Variants in SEMA3A observed in about 807,000 individuals in gnomAD.
SEMA3A encodes semaphorin 3A.
In SEMA3A, 29 loss-of-function variants were observed where a neutral mutation model predicts 97.9. The observed-to-expected ratio is 0.30, with a 90% confidence interval of 0.22 to 0.40. The LOEUF is 0.40. SEMA3A is among the 10% of genes least tolerant of loss of function. The pLI is 1.00. For synonymous variants in SEMA3A, 321 were observed against 323.7 expected (o/e 0.99, Z 0.09); for missense variants, 763 against 951.3 (o/e 0.80, Z 2.60).
intron 1 of SEMA3A, among the ~76,000 whole-genome samples, chr7:84,391,600 T>C (rs868477717): frequency 1.3e-5 from 2 of 152,286 alleles, no homozygotes; most frequent in Admixed American, 6.5e-5. Context: ...TGTTATTATC[T>C]AGCAGGGTAA....
At chr7:84,316,194 C>A (rs1462079763) in intron 2 of SEMA3A, among the ~76,000 whole-genome samples, 1 of 138,124 alleles carries the variant, frequency 7.2e-6, no homozygotes, top group South Asian at 2.5e-4. Context: ...CTTCATTTAT[C>A]GTCTTTTTTC....
chr7:84,424,062 C>A (rs1239494519), intron 1 of SEMA3A, among the ~76,000 whole-genome samples: 1 of 151,494 alleles, frequency 6.6e-6, no homozygotes, highest in Non-Finnish European at 1.5e-5. Flanking sequence ...ATTAGTAAAA[C>A]CCCTATGGAA....
chr7:84,459,920 A>G (rs1467049641), intron 1 of SEMA3A, among the ~76,000 whole-genome samples: 1 of 152,106 alleles, frequency 6.6e-6, no homozygotes, highest in African/African-American at 2.4e-5. Flanking sequence ...CTAGCTACTC[A>G]GAAATCTGAG....
At chr7:83,998,585 G>A (rs1790312762) in intron 12 of SEMA3A, among the ~76,000 whole-genome samples, 1 of 152,010 alleles carries the variant, frequency 6.6e-6, no homozygotes, top group South Asian at 2.1e-4. Context: ...TTTTTTTAAA[G>A]TATTTTTCTT....
intron 1 of SEMA3A, among the ~76,000 whole-genome samples, chr7:84,455,702 T>C (rs1228912455): frequency 6.6e-6 from 1 of 151,986 alleles, no homozygotes; most frequent in Non-Finnish European, 1.5e-5. Flanking sequence ...AAGAGTATTC[T>C]TAAGTTTAGA....
intron 2 of SEMA3A, among the ~76,000 whole-genome samples, chr7:84,328,984 T>C (rs1801841867): frequency 6.6e-6 from 1 of 151,998 alleles, no homozygotes; most frequent in South Asian, 2.1e-4. Context: ...TTATTATTGT[T>C]ATACTTTAAG....
intron 4 of SEMA3A, among the ~76,000 whole-genome samples, chr7:84,095,740 A>C (rs1431402824): frequency 6.6e-6 from 1 of 151,492 alleles, no homozygotes; most frequent in Non-Finnish European, 1.5e-5. Flanking sequence ...TCCTGTGTTC[A>C]GGTTGCTTCT....
intron 3 of SEMA3A, among the ~76,000 whole-genome samples, chr7:84,229,062 T>C (rs1039221499): frequency 1.3e-5 from 2 of 152,092 alleles, no homozygotes; most frequent in African/African-American, 4.8e-5. Context: ...TGGTTTTTTG[T>C]CACTTGTAAC....
intron 1 of SEMA3A, among the ~76,000 whole-genome samples, chr7:84,185,827 A>C (rs1458389410): frequency 6.6e-6 from 1 of 152,112 alleles, no homozygotes; most frequent in Admixed American, 6.6e-5. Context: ...AGATAACCAA[A>C]ATCAACGTCC....
At chr7:84,027,481 C>T (rs1013899236) in intron 6 of SEMA3A, among the ~76,000 whole-genome samples, 1 of 152,116 alleles carries the variant, frequency 6.6e-6, no homozygotes, top group African/African-American at 2.4e-5. Context: ...CTAGTTTATT[C>T]TTTAGAGCAA....
chr7:84,408,028 C>A (rs149462131), intron 1 of SEMA3A, among the ~76,000 whole-genome samples: 26,933 of 152,030 alleles, frequency 0.18, 2,529 homozygotes, highest in Middle Eastern at 0.22. Flanking sequence ...GCAACAAAAG[C>A]CAAAATTGAC....
intron 1 of SEMA3A, among the ~76,000 whole-genome samples, chr7:84,458,352 A>G (rs1465301492): frequency 2.0e-5 from 3 of 152,082 alleles, no homozygotes; most frequent in East Asian, 3.8e-4. Context: ...GTTCAAAAAC[A>G]TCTTCATTTA....
chr7:84,406,099 T>A (rs902743425), intron 1 of SEMA3A, among the ~76,000 whole-genome samples: 1 of 152,042 alleles, frequency 6.6e-6, no homozygotes, highest in Admixed American at 6.5e-5. Context: ...AAAAAATCAA[T>A]GAATCCAGGA....
chr7:84,315,837 T>C (rs1490137891), intron 2 of SEMA3A, among the ~76,000 whole-genome samples: 1 of 152,114 alleles, frequency 6.6e-6, no homozygotes, highest in Non-Finnish European at 1.5e-5. Context: ...ATTCACTCGA[T>C]AATCTGATTA....
At chr7:84,431,774 A>T (rs183130548) in intron 1 of SEMA3A, among the ~76,000 whole-genome samples, 2 of 152,182 alleles carry the variant, frequency 1.3e-5, no homozygotes, top group African/African-American at 4.8e-5. Flanking sequence ...ATATATCAAC[A>T]TTTACATTAC....
chr7:84,161,844 T>C (rs967619811), intron 1 of SEMA3A, among the ~76,000 whole-genome samples: 2 of 152,180 alleles, frequency 1.3e-5, no homozygotes, highest in Admixed American at 1.3e-4. Flanking sequence ...TTTAAAATAT[T>C]CTAGAAAAAC....
intron 6 of SEMA3A, among the ~76,000 whole-genome samples, chr7:84,033,774 C>A (rs769593879): frequency 9.2e-5 from 14 of 152,088 alleles, no homozygotes; most frequent in Non-Finnish European, 1.9e-4. Flanking sequence ...TACAGATTCT[C>A]ATTCAATACA....
intron 1 of SEMA3A, among the ~76,000 whole-genome samples, chr7:84,430,170 T>C (rs1804942755): frequency 6.6e-6 from 1 of 151,990 alleles, no homozygotes; most frequent in Non-Finnish European, 1.5e-5. Context: ...TGTCTTCCAT[T>C]TTTTAATAAT....
At chr7:84,126,263 T>G (rs1338413631) in intron 3 of SEMA3A, among the ~76,000 whole-genome samples, 2 of 152,090 alleles carry the variant, frequency 1.3e-5, no homozygotes, top group African/African-American at 4.8e-5. Context: ...TGGAGTTCAG[T>G]GGCATGATCA....
Sources: gnomAD v4.1 joint callset for allele counts (sites outside exome capture counted in the v4.1 genomes callset) on GRCh38, gnomAD v4.1.1 for gene constraint, MANE v1.5 for transcripts, NCBI Gene and HGNC (gene_info 2026-07-23, HGNC 2026-07-21) for gene names.